C4BPB: variants seen among roughly 807,000 people sequenced by gnomAD.
C4BPB encodes the protein complement component 4 binding protein beta.
A neutral mutation model predicts 26.6 loss-of-function variants in C4BPB; 19 were observed. That is an observed-to-expected ratio of 0.71 (90% CI 0.50 to 1.05). The LOEUF (loss-of-function observed/expected upper bound fraction) is 1.05, where lower values mean the gene tolerates loss of function less well. C4BPB is among the 50% of genes least tolerant of loss of function. C4BPB has a pLI of 0.00. For synonymous variants in C4BPB, 118 were observed against 103.5 expected (o/e 1.14, Z -0.85); for missense variants, 282 against 302.9 (o/e 0.93, Z 0.51).
intron 4 of C4BPB, chr1:207,095,350 A>T (rs1366321563): frequency 2.2e-6 from 1 of 456,364 alleles, no homozygotes; most frequent in Admixed American, 2.4e-5. Context: ...TTTTCTTTTG[A>T]GACAGAGTCT....
At position 207,096,579 on chromosome 1, in the gene C4BPB, CCTT is replaced by C; in HGVS notation, c.468_470del (p.Leu157del). On this transcript the variant is annotated inframe_deletion, in exon 5 of 7. Transcript: ENST00000367078. ...GGCTATTTTGAAGGAAATAACTTCA[CCTT>C]AGGATCCACCATTAGTTATTACTGT... 1 of 1,607,112 alleles carries C rather than the reference CCTT, an allele frequency of 6.2e-7. No individual in the cohort carries two copies. Among genetic ancestry groups the C allele is most frequent in the South Asian group, 1.1e-5 (1 of 90,730 alleles).
Position 207,099,442 on chromosome 1 carries a change from G to A in C4BPB, c.619-347G>A, listed in dbSNP as rs868483786. 2.6e-5 allele frequency among the ~76,000 whole-genome samples: 4 copies of A among 152,194 alleles called. No individual in the cohort carries two copies. The South Asian group carries it at 6.2e-4, about 24-fold the overall frequency. ...TGGACCGGTACCGGTCTGTGGCCCTGGGGTTGGGGATCCCTGTTATAGAGC... is the reference window on the plus strand; with the variant it reads ...TGGACCGGTACCGGTCTGTGGCCCTAGGGTTGGGGATCCCTGTTATAGAGC... On this transcript the variant is annotated intron_variant, in intron 6 of 6. Transcript: ENST00000367078.
rs6690037 is a variant in C4BPB, at chr1:207,090,484, A to C, written c.232+3A>C. ...TAACACCACTACTGAGTGCCGCTGT[A>C]AGTTAGATCTTTCTGTATCTTTGCC... On this transcript the variant is annotated splice_donor_region_variant and intron_variant, in intron 3 of 6. Coordinates refer to ENST00000367078, the MANE Select transcript of C4BPB (RefSeq NM_001017365.3). 6.3e-7 allele frequency: 1 copy of C among 1,597,796 alleles called. No individual in the cohort carries two copies. The highest frequency in any genetic ancestry group is 2.3e-5 in the East Asian group (1 of 43,972).
In C4BPB at chr1:207,097,162, T is replaced by C. The variant is rs1266305923; in HGVS notation, c.503+547T>C. Among the ~76,000 whole-genome samples, 5 of 152,298 alleles carry C rather than the reference T, an allele frequency of 3.3e-5. 1 individual carries two copies. The highest frequency in any genetic ancestry group is 2.4e-5 in the African/African-American group (1 of 41,568). On this transcript the variant is annotated intron_variant, in intron 5 of 6. Coordinates refer to ENST00000367078, the MANE Select transcript of C4BPB (RefSeq NM_001017365.3). ...CACTTTAACCCAGGTGGAAAAGTGA[T>C]ACTCTGTTTTAAAATAAATAAATAA...
chr1:207,091,027 T>G (rs1684004276), intron 3 of C4BPB, among the ~76,000 whole-genome samples: 1 of 152,226 alleles, frequency 6.6e-6, no homozygotes, highest in Non-Finnish European at 1.5e-5. Flanking sequence ...TCCAGCTGAC[T>G]TGCTCAAGGT....
chr1:207,095,302 C>G (rs1047792783), intron 4 of C4BPB: 1 of 456,606 alleles, frequency 2.2e-6, no homozygotes, highest in Admixed American at 2.3e-5. Context: ...TCCACAGACT[C>G]GTCCTCTTCC....
chr1:207,095,393 G>A, intron 4 of C4BPB: 1 of 455,906 alleles, frequency 2.2e-6, no homozygotes, highest in Non-Finnish European at 4.4e-6. Flanking sequence ...TGCAGTGGCA[G>A]AATCTTGGCT....
Position 207,090,391 on chromosome 1 carries a change from G to C in C4BPB, c.142G>C (p.Val48Leu), listed in dbSNP as rs369678665. 13 of 1,613,824 alleles carry C rather than the reference G, an allele frequency of 8.1e-6. No homozygotes were observed. In the African/African-American group the frequency reaches 1.7e-4, roughly 22 times the overall value. ...GGAAGGACAGATTCTGGGGACTTACGTTTGTATCAAGGGCTACCACCTGGT... is the reference window on the plus strand; with the variant it reads ...GGAAGGACAGATTCTGGGGACTTACCTTTGTATCAAGGGCTACCACCTGGT... The part of the protein sequence containing the change: ...EVEGQILGTY[V>L]CIKGYHLVGK... Residue 48 changes from valine to leucine, a missense_variant, in exon 3 of 7, where the codon GTT (valine) becomes CTT (leucine). By Grantham distance (32) the Val-to-Leu change is conservative. Transcript: ENST00000367078.
chr1:207,089,392 G>T (rs1683928918), intron 1 of C4BPB, 90 bp from the exon 2 acceptor site: 1 of 637,904 alleles, frequency 1.6e-6, no homozygotes. Context: ...TTTCTCCAGG[G>T]AGGGTAAATC....
Position 207,090,463 on chromosome 1 carries a change from A to G in C4BPB, c.214A>G (p.Thr72Ala). Reference protein sequence around the residue: ...FCNASKEWDNTTTECRLGHCP... With the variant: ...FCNASKEWDNATTECRLGHCP... Reference sequence around the variant, plus strand: ...CAATGCCTCTAAGGAGTGGGATAACACCACTACTGAGTGCCGCTGTAAGTT... The same window carrying G: ...CAATGCCTCTAAGGAGTGGGATAACGCCACTACTGAGTGCCGCTGTAAGTT... Residue 72 changes from threonine to alanine, a missense_variant, in exon 3 of 7, where the codon ACC becomes GCC. Thr to Ala is a moderately conservative substitution (Grantham distance 58). Transcript: ENST00000367078. The G allele has an allele frequency of 6.2e-7, 1 of 1,611,092 alleles. No individual in the cohort carries two copies. Among genetic ancestry groups the G allele is most frequent in the South Asian group, 1.1e-5 (1 of 90,640 alleles).
At chr1:207,094,729 C>T (rs1047979667) in intron 4 of C4BPB, among the ~76,000 whole-genome samples, 13 of 152,154 alleles carry the variant, frequency 8.5e-5, no homozygotes, top group African/African-American at 2.9e-4. Flanking sequence ...GACTGGAATC[C>T]CCCAAACAAC....
Position 207,099,801 on chromosome 1 carries a change from G to T in C4BPB, c.631G>T (p.Glu211Ter). Reference protein sequence around the residue: ...ECEKALLAFQESKNLCEAMEN... With the variant: ...ECEKALLAFQ ...TTTCTTTCTTCAGCTTGCCTTTCAG[G>T]AGAGTAAGAACCTCTGCGAAGCCAT... Residue 211 changes from glutamate (E) to a stop codon, truncating the protein, a stop_gained, in exon 7 of 7, where the codon GAG becomes TAG. Coordinates refer to ENST00000367078, the MANE Select transcript of C4BPB (RefSeq NM_001017365.3). LOFTEE classifies it low-confidence loss of function (END_TRUNC). 1 of 1,611,902 alleles carries T rather than the reference G, an allele frequency of 6.2e-7. No individual in the cohort carries two copies. The highest frequency in any genetic ancestry group is 8.5e-7 in the Non-Finnish European group (1 of 1,179,392).
chr1:207,099,699 C>A, intron 6 of C4BPB, 90 bp from the exon 7 acceptor site: 1 of 1,060,638 alleles, frequency 9.4e-7, no homozygotes, highest in Non-Finnish European at 1.3e-6. Context: ...AGCCCCCATT[C>A]AGAGAGCTAA....
At chr1:207,099,418 G>T (rs1348223291) in intron 6 of C4BPB, among the ~76,000 whole-genome samples, 25 of 152,142 alleles carry the variant, frequency 1.6e-4, no homozygotes, top group Admixed American at 1.6e-3. Flanking sequence ...AATAGTCCGT[G>T]GACCGGTACC....
intron 2 of C4BPB, among the ~76,000 whole-genome samples, chr1:207,089,877 A>C (rs1683955317): frequency 6.6e-6 from 1 of 152,214 alleles, no homozygotes; most frequent in African/African-American, 2.4e-5. Context: ...TACTTGTTAT[A>C]AACTCCAGGA....
intron 4 of C4BPB, chr1:207,095,300 C>A: frequency 2.2e-6 from 1 of 456,630 alleles, no homozygotes; most frequent in South Asian, 1.5e-5. Context: ...GTTCCACAGA[C>A]TCGTCCTCTT....
chr1:207,090,319 C>G lies in C4BPB; in HGVS notation c.70C>G (p.Pro24Ala), dbSNP rs1479787557. ...RVSASDAEHC[P>A]ELPPVDNSIF... ...CTTTTTTCTTCCAGCAGAGCACTGT[C>G]CAGAGCTTCCTCCAGTGGACAATAG... The change falls in exon 3 of 7, where the codon CCA (proline) becomes GCA (alanine). Residue 24 changes from proline (P) to alanine (A), a missense_variant. Coordinates refer to ENST00000367078, the MANE Select transcript of C4BPB (RefSeq NM_001017365.3). 2.5e-6 allele frequency: 4 copies of G among 1,612,352 alleles called. 1 individual carries two copies. Among genetic ancestry groups the G allele is most frequent in the Non-Finnish European group, 3.4e-6 (4 of 1,179,342 alleles).
At chr1:207,099,209 A>T (rs994539247) in intron 6 of C4BPB, among the ~76,000 whole-genome samples, 1 of 152,214 alleles carries the variant, frequency 6.6e-6, no homozygotes, top group African/African-American at 2.4e-5. Flanking sequence ...TTAGACTCTC[A>T]TAAAGAGGGG....
At chr1:207,094,083 A>C (rs1684150326) in intron 4 of C4BPB, among the ~76,000 whole-genome samples, 1 of 152,254 alleles carries the variant, frequency 6.6e-6, no homozygotes, top group African/African-American at 2.4e-5. Flanking sequence ...GAAAAGATGG[A>C]TTTAATTTAA....
Sources: gnomAD v4.1 joint callset for allele counts (sites outside exome capture counted in the v4.1 genomes callset) on GRCh38, gnomAD v4.1.1 for gene constraint, MANE v1.5 for transcripts, NCBI Gene and HGNC (gene_info 2026-07-23, HGNC 2026-07-21) for gene names.